The following EDIL3 variants were observed in gnomAD, a reference collection of about 807,000 sequenced individuals.
The protein encoded by EDIL3 is EGF-like repeat and discoidin I-like domain-containing protein 3.
EDIL3 carries 37 observed loss-of-function variants against 67.4 expected under a neutral mutation model. The observed-to-expected ratio is 0.55, with a 90% CI of 0.42 to 0.72. The LOEUF is 0.72. Among genes scored for constraint, EDIL3 ranks in the 30% least tolerant of loss-of-function variants. The probability of loss-of-function intolerance (pLI) is 0.00; values close to 1 mark genes in which losing one functional copy is unlikely to be tolerated. For synonymous variants in EDIL3, 195 were observed against 196.3 expected (o/e 0.99, Z 0.05); for missense variants, 527 against 586.3 (o/e 0.90, Z 1.04).
chr5:84,145,376 G>C (rs1748273503), intron 4 of EDIL3, among the ~76,000 whole-genome samples: 1 of 152,006 alleles, frequency 6.6e-6, no homozygotes, highest in South Asian at 2.1e-4. Context: ...CTGTGCGAGG[G>C]GATACTCTGC....
At chr5:84,181,087 G>A (rs990780259) in intron 3 of EDIL3, 3 of 152,164 alleles carry the variant, frequency 2.0e-5, no homozygotes, top group African/African-American at 7.2e-5. Context: ...ATGAGTTTAT[G>A]GTGGAGCATA....
intron 1 of EDIL3, among the ~76,000 whole-genome samples, chr5:84,304,658 G>A (rs1275661202): frequency 1.3e-5 from 2 of 152,152 alleles, no homozygotes; most frequent in African/African-American, 2.4e-5. Flanking sequence ...GTCATATAAA[G>A]GATCTGATGA....
At chr5:84,230,686 C>T (rs1053098308) in intron 2 of EDIL3, among the ~76,000 whole-genome samples, 2 of 152,016 alleles carry the variant, frequency 1.3e-5, no homozygotes, top group African/African-American at 4.8e-5. Context: ...GGATTACAGG[C>T]ATGAGCCACC....
chr5:84,190,807 T>G (rs186512822), intron 3 of EDIL3, among the ~76,000 whole-genome samples: 2 of 152,054 alleles, frequency 1.3e-5, no homozygotes, highest in African/African-American at 4.8e-5. Flanking sequence ...CCTCTAATTA[T>G]TCCATAGATC....
At chr5:84,072,766 A>T (rs1268299853) in intron 6 of EDIL3, among the ~76,000 whole-genome samples, 2 of 152,194 alleles carry the variant, frequency 1.3e-5, no homozygotes, top group African/African-American at 2.4e-5. Flanking sequence ...ACAGAAAAGA[A>T]GATACTATTT....
At chr5:84,226,621 A>G (rs574540199) in intron 3 of EDIL3, among the ~76,000 whole-genome samples, 1 of 151,870 alleles carries the variant, frequency 6.6e-6, no homozygotes, top group South Asian at 2.1e-4. Context: ...TTTGTTTCCC[A>G]TTGTCTGCTT....
intron 3 of EDIL3, among the ~76,000 whole-genome samples, chr5:84,218,343 G>C (rs1438217767): frequency 6.6e-6 from 1 of 152,200 alleles, no homozygotes; most frequent in African/African-American, 2.4e-5. Flanking sequence ...AAATGTGAGA[G>C]AGAAGGATTA....
At chr5:83,999,280 T>C (rs1478143786) in intron 9 of EDIL3, among the ~76,000 whole-genome samples, 1 of 152,086 alleles carries the variant, frequency 6.6e-6, no homozygotes, top group Non-Finnish European at 1.5e-5. Flanking sequence ...TAGACAAACA[T>C]GACCTCATCA....
chr5:84,225,076 C>T (rs192358892), intron 3 of EDIL3, among the ~76,000 whole-genome samples: 8 of 151,574 alleles, frequency 5.3e-5, no homozygotes, highest in Admixed American at 4.6e-4. Context: ...TAAAAAGAAG[C>T]TTCTGGTAGC....
intron 3 of EDIL3, among the ~76,000 whole-genome samples, chr5:84,218,226 A>G (rs1216385188): frequency 2.6e-5 from 4 of 152,202 alleles, no homozygotes; most frequent in Non-Finnish European, 4.4e-5. Context: ...GCTGTATGTC[A>G]TTCTTATTTC....
chr5:84,124,967 C>A (rs977248655), intron 5 of EDIL3, among the ~76,000 whole-genome samples: 9 of 151,838 alleles, frequency 5.9e-5, no homozygotes, highest in Non-Finnish European at 1.3e-4. Flanking sequence ...CATGCACAAT[C>A]CCTTGAACTA....
At chr5:84,125,650 G>A (rs1233255932) in intron 5 of EDIL3, among the ~76,000 whole-genome samples, 1 of 151,844 alleles carries the variant, frequency 6.6e-6, no homozygotes, top group South Asian at 2.1e-4. Context: ...GTTAACAGGC[G>A]GACATTCTCC....
At chr5:84,056,651 A>C (rs993111429) in intron 9 of EDIL3, among the ~76,000 whole-genome samples, 5 of 152,010 alleles carry the variant, frequency 3.3e-5, no homozygotes, top group African/African-American at 1.2e-4. Flanking sequence ...CAGAAATAAA[A>C]CTCCATTAGA....
chr5:84,353,570 AAT>A (rs1420685609), intron 1 of EDIL3, among the ~76,000 whole-genome samples: 2 of 152,232 alleles, frequency 1.3e-5, no homozygotes, highest in Non-Finnish European at 2.9e-5. Flanking sequence ...TATTTCAACG[AAT>A]ACTTAGGAAA....
At chr5:84,018,570 C>A (rs577302591) in intron 9 of EDIL3, among the ~76,000 whole-genome samples, 2 of 152,134 alleles carry the variant, frequency 1.3e-5, no homozygotes, top group African/African-American at 2.4e-5. Context: ...AAAGTGCCAT[C>A]GGCACCTGGC....
At chr5:84,382,332 C>G (rs1288560618) in intron 1 of EDIL3, among the ~76,000 whole-genome samples, 1 of 152,186 alleles carries the variant, frequency 6.6e-6, no homozygotes, top group Non-Finnish European at 1.5e-5. Flanking sequence ...GCGCGGGTAT[C>G]TTCAGGAGAC....
Position 84,064,758 on chromosome 5 carries a change from G to A in EDIL3, c.894C>T (p.Pro298=). Residue 298 remains proline (P), a synonymous_variant, in exon 8 of 11, where the codon CCC becomes CCT. Coordinates refer to ENST00000296591, the MANE Select transcript of EDIL3 (RefSeq NM_005711.5). ...AAGTGCAATGTCTTCGACAAACTTGGGGATAGAGTCTTACATACTGAGCTT... is the reference window on the plus strand; with the variant it reads ...AAGTGCAATGTCTTCGACAAACTTGAGGATAGAGTCTTACATACTGAGCTT... ...PIKAQYVRLY[P]QVCRRHCTLR... is the part of the protein sequence containing the mutation. 6.2e-7 allele frequency: 1 copy of A among 1,613,744 alleles called. No individual in the cohort carries two copies. Among genetic ancestry groups the A allele is most frequent in the Non-Finnish European group, 8.5e-7 (1 of 1,179,746 alleles).
chr5:84,001,021 A>G (rs1410874498), intron 9 of EDIL3, among the ~76,000 whole-genome samples: 1 of 152,078 alleles, frequency 6.6e-6, no homozygotes, highest in African/African-American at 2.4e-5. Flanking sequence ...AAGCACTTAC[A>G]TCAAAAAAGC....
At chr5:84,069,110 T>G (rs937561716) in intron 6 of EDIL3, among the ~76,000 whole-genome samples, 1 of 152,226 alleles carries the variant, frequency 6.6e-6, no homozygotes. Flanking sequence ...ATGCCTAAAT[T>G]ATTCTCTATG....
Sources: allele counts gnomAD v4.1 joint callset (sites outside exome capture counted in the v4.1 genomes callset), GRCh38; gene constraint gnomAD v4.1.1; transcripts MANE v1.5; gene names NCBI Gene and HGNC (gene_info 2026-07-23, HGNC 2026-07-21).